RIMS2: variants seen among roughly 807,000 people sequenced by gnomAD.
The protein encoded by RIMS2 is regulating synaptic membrane exocytosis protein 2.
RIMS2 carries 59 observed loss-of-function variants against 174.4 expected under a neutral mutation model. The observed-to-expected ratio is 0.34, with a 90% CI of 0.27 to 0.42. RIMS2 has a LOEUF of 0.42. Among genes scored for constraint, RIMS2 ranks in the 10% least tolerant of loss-of-function variants. The pLI, the probability that RIMS2 is intolerant of heterozygous loss-of-function variation, is 1.00. For missense variants in RIMS2, 1,620 were observed against 1,666.3 expected (o/e 0.97, Z 0.48); for synonymous variants, 606 against 572.5 (o/e 1.06, Z -0.84).
intron 19 of RIMS2, among the ~76,000 whole-genome samples, chr8:104,073,572 C>A (rs1020859531): frequency 2.6e-5 from 4 of 152,108 alleles, no homozygotes; most frequent in South Asian, 2.1e-4. Flanking sequence ...TTATTTGTCT[C>A]CCTGGAATTA....
chr8:104,201,413 A>G (rs1270160043), intron 19 of RIMS2, among the ~76,000 whole-genome samples: 1 of 152,208 alleles, frequency 6.6e-6, no homozygotes, highest in Non-Finnish European at 1.5e-5. Context: ...AGTCTCTTCA[A>G]TGAAATATAT....
At chr8:104,100,472 G>A (rs957346258) in intron 19 of RIMS2, among the ~76,000 whole-genome samples, 10 of 151,766 alleles carry the variant, frequency 6.6e-5, no homozygotes, top group Admixed American at 6.6e-4. Flanking sequence ...TGCTATGTTG[G>A]TTAACTTATG....
At chr8:103,834,862 C>T (rs2098861278) in intron 3 of RIMS2, among the ~76,000 whole-genome samples, 1 of 151,804 alleles carries the variant, frequency 6.6e-6, no homozygotes, top group Non-Finnish European at 1.5e-5. Context: ...GCCACCTGCT[C>T]CAGGCTCAAG....
intron 1 of RIMS2, among the ~76,000 whole-genome samples, chr8:103,505,827 A>G (rs1823270308): frequency 6.6e-6 from 1 of 152,158 alleles, no homozygotes; most frequent in African/African-American, 2.4e-5. Flanking sequence ...TTCTTGTCAG[A>G]AAGATTGAGA....
intron 19 of RIMS2, among the ~76,000 whole-genome samples, chr8:104,018,888 A>G (rs1289675511): frequency 6.6e-6 from 1 of 152,114 alleles, no homozygotes; most frequent in African/African-American, 2.4e-5. Flanking sequence ...ATTTCTCCCC[A>G]TCTTTCTAAA....
intron 3 of RIMS2, among the ~76,000 whole-genome samples, chr8:103,823,256 A>C (rs1564771633): frequency 6.6e-6 from 1 of 151,960 alleles, no homozygotes; most frequent in Non-Finnish European, 1.5e-5. Context: ...GTATACGTAC[A>C]ATGAGATATG....
intron 1 of RIMS2, among the ~76,000 whole-genome samples, chr8:103,664,096 G>T (rs1009797622): frequency 6.6e-6 from 1 of 152,144 alleles, no homozygotes; most frequent in African/African-American, 2.4e-5. Context: ...GCTGAAACTG[G>T]ATCCTTTCCT....
At chr8:104,146,204 CA>C (rs36101798) in intron 19 of RIMS2, among the ~76,000 whole-genome samples, 8,380 of 65,454 alleles carry the variant, frequency 0.13, 225 homozygotes, top group East Asian at 0.39. Context: ...TCTCCTCTCC[CA>C]AAAAAAAAAA....
At chr8:103,912,970 G>GTTTT (rs1272975359) in intron 6 of RIMS2, among the ~76,000 whole-genome samples, 1,154 of 114,786 alleles carry the variant, frequency 0.01, 40 homozygotes, top group Non-Finnish European at 0.016. Flanking sequence ...TTTTTTTGTT[G>GTTTT]TTTTTTTTTT....
intron 3 of RIMS2, among the ~76,000 whole-genome samples, chr8:103,808,597 T>C (rs573202390): frequency 1.3e-5 from 2 of 152,122 alleles, no homozygotes; most frequent in Admixed American, 1.3e-4. Context: ...ATCTTCCCCT[T>C]TCTTCTCCCT....
intron 1 of RIMS2, chr8:103,559,172 A>G (rs2091160078): frequency 5.4e-6 from 1 of 186,076 alleles, no homozygotes; most frequent in African/African-American, 2.5e-5. Flanking sequence ...CTTCATCTCC[A>G]TCCTGTTCCT....
intron 3 of RIMS2, among the ~76,000 whole-genome samples, chr8:103,846,657 A>G (rs2098969494): frequency 6.6e-6 from 1 of 152,144 alleles, no homozygotes. Context: ...CAATGTGTAC[A>G]TTAGTGTACC....
intron 8 of RIMS2, 96 bp downstream of exon 11, chr8:103,916,633 A>G: frequency 3.0e-6 from 3 of 1,006,534 alleles, no homozygotes; most frequent in Non-Finnish European, 2.8e-6. Flanking sequence ...CTTTATGGAA[A>G]TGAATTATTT....
At chr8:104,118,345 T>A (rs569749149) in intron 19 of RIMS2, among the ~76,000 whole-genome samples, 2 of 144,844 alleles carry the variant, frequency 1.4e-5, no homozygotes, top group Admixed American at 1.4e-4. Flanking sequence ...TTTTGTTTGT[T>A]TATTTTTTGT....
At chr8:103,976,121 A>G (rs1249454065) in intron 16 of RIMS2, 1 of 152,238 alleles carries the variant, frequency 6.6e-6, no homozygotes, top group East Asian at 1.9e-4. Flanking sequence ...TTAATCATCA[A>G]AATGGCATTA....
At chr8:103,788,074 G>C (rs1361194521) in intron 3 of RIMS2, among the ~76,000 whole-genome samples, 3 of 150,104 alleles carry the variant, frequency 2.0e-5, no homozygotes, top group Non-Finnish European at 4.4e-5. Flanking sequence ...GGCTCCTGAG[G>C]CTTCTGCATT....
chr8:103,606,669 A>G (rs1023864190), intron 1 of RIMS2, among the ~76,000 whole-genome samples: 15 of 152,176 alleles, frequency 9.9e-5, no homozygotes, highest in Non-Finnish European at 4.4e-5. Flanking sequence ...GACTTGCTCT[A>G]TGAATCTGGG....
intron 19 of RIMS2, among the ~76,000 whole-genome samples, chr8:104,019,389 A>G (rs2096022850): frequency 6.6e-6 from 1 of 152,130 alleles, no homozygotes; most frequent in Non-Finnish European, 1.5e-5. Flanking sequence ...ACCACTTTTT[A>G]TTTATGAATA....
chr8:103,726,276 C>A (rs991400172), intron 2 of RIMS2, among the ~76,000 whole-genome samples: 5 of 152,138 alleles, frequency 3.3e-5, no homozygotes, highest in African/African-American at 1.2e-4. Context: ...GATGTATCCC[C>A]ATTGTAAGTC....
Sources: gnomAD v4.1 joint callset for allele counts (sites outside exome capture counted in the v4.1 genomes callset) on GRCh38, gnomAD v4.1.1 for gene constraint, MANE v1.5 for transcripts, NCBI Gene and HGNC (gene_info 2026-07-23, HGNC 2026-07-21) for gene names.